Variants in FGGY observed in about 807,000 individuals in gnomAD.
FGGY encodes FGGY carbohydrate kinase domain containing.
In FGGY, 72 loss-of-function variants were observed where a neutral mutation model predicts 71.3. That is an observed-to-expected ratio of 1.01 (90% CI 0.84 to 1.23). The LOEUF is 1.23. Ranked by LOEUF, FGGY falls within the 50% of genes most tolerant of loss-of-function variation. The probability of loss-of-function intolerance (pLI) is 0.00; values close to 1 mark genes in which losing one functional copy is unlikely to be tolerated. For synonymous variants in FGGY, 251 were observed against 250.3 expected, an observed-to-expected ratio of 1.00 and a Z score of -0.02; for missense variants, 668 against 682.3, an observed-to-expected ratio of 0.98 and a Z score of 0.23.
At chr1:59,544,595 A>C (rs1350877413) in intron 7 of FGGY, among the ~76,000 whole-genome samples, 1 of 152,168 alleles carries the variant, frequency 6.6e-6, no homozygotes, top group Non-Finnish European at 1.5e-5. Context: ...CAAAATACTA[A>C]CATGCCATAT....
chr1:59,467,891 T>TTTTTG (rs942165054), intron 6 of FGGY, among the ~76,000 whole-genome samples: 10 of 145,270 alleles, frequency 6.9e-5, no homozygotes, highest in Non-Finnish European at 1.4e-4. Context: ...TTTCTTGTTT[T>TTTTTG]TTTTGTTTTG....
intron 14 of FGGY, among the ~76,000 whole-genome samples, chr1:59,709,521 C>T (rs1364809494): frequency 6.6e-6 from 1 of 151,160 alleles, no homozygotes; most frequent in Non-Finnish European, 1.5e-5. Context: ...GCTTTCCAAA[C>T]TATGAAATGC....
chr1:59,628,350 G>T (rs1429680048), intron 10 of FGGY, among the ~76,000 whole-genome samples: 2 of 152,100 alleles, frequency 1.3e-5, no homozygotes, highest in African/African-American at 4.8e-5. Context: ...AACCTAGATT[G>T]ACATTCCACA....
At chr1:59,372,405 T>A (rs1047259422) in intron 4 of FGGY, among the ~76,000 whole-genome samples, 31 of 152,252 alleles carry the variant, frequency 2.0e-4, no homozygotes, top group South Asian at 6.2e-4. Flanking sequence ...TCTGAAATTG[T>A]GGCAATAATT....
chr1:59,357,752 T>G (rs983031949), intron 4 of FGGY, among the ~76,000 whole-genome samples: 5 of 152,160 alleles, frequency 3.3e-5, no homozygotes, highest in Admixed American at 6.5e-5. Context: ...GAAAAAATAC[T>G]CAATAAACAT....
chr1:59,608,806 C>G (rs189654122), intron 9 of FGGY, among the ~76,000 whole-genome samples: 169 of 152,304 alleles, frequency 1.1e-3, no homozygotes, highest in African/African-American at 3.8e-3. Context: ...CACTGCACTT[C>G]AGCCTGGGCG....
chr1:59,646,527 C>T (rs927157752), intron 11 of FGGY, among the ~76,000 whole-genome samples: 1 of 149,418 alleles, frequency 6.7e-6, no homozygotes. Context: ...TATAAATTTA[C>T]ATATTTATAT....
chr1:59,660,090 C>A, intron 11 of FGGY, 129 bp from the exon 12 acceptor site: 4 of 770,934 alleles, frequency 5.2e-6, no homozygotes, highest in South Asian at 5.1e-5. Flanking sequence ...GTTCCGCTCA[C>A]AAAAAGGGGA....
Position 59,672,727 on chromosome 1 carries a change from C to T in FGGY, c.1418-1312C>T, listed in dbSNP as rs566881298. On this transcript the variant is annotated intron_variant, in intron 13 of 15. Coordinates refer to ENST00000303721, the MANE Select transcript of FGGY (RefSeq NM_018291.5). Reference sequence around the variant, plus strand: ...GATGTAGAGAGAGTGTCTTCTCAGACAAGATAGGAAAAGAAATCTAGGCTT... The same window carrying T: ...GATGTAGAGAGAGTGTCTTCTCAGATAAGATAGGAAAAGAAATCTAGGCTT... 3.9e-4 allele frequency among the ~76,000 whole-genome samples: 60 copies of T among 152,216 alleles called. 2 individuals are homozygous for T. The South Asian group carries it at 0.012, about 30-fold the overall frequency.
intron 5 of FGGY, among the ~76,000 whole-genome samples, chr1:59,450,657 G>A (rs542660404): frequency 6.6e-6 from 1 of 151,936 alleles, no homozygotes; most frequent in African/African-American, 2.4e-5. Context: ...TATTTAAATA[G>A]AATTGTCTTT....
intron 9 of FGGY, among the ~76,000 whole-genome samples, chr1:59,624,548 C>T (rs974666192): frequency 4.6e-5 from 7 of 152,060 alleles, no homozygotes; most frequent in African/African-American, 7.2e-5. Flanking sequence ...ACTGCTGATA[C>T]GGACATACCT....
intron 11 of FGGY, among the ~76,000 whole-genome samples, chr1:59,652,847 A>C (rs1042599713): frequency 2.0e-5 from 3 of 151,944 alleles, no homozygotes; most frequent in African/African-American, 7.3e-5. Context: ...TAGATTTTCC[A>C]GTTTTTCTGT....
At chr1:59,546,648 G>A (rs1571077783) in intron 7 of FGGY, among the ~76,000 whole-genome samples, 1 of 151,820 alleles carries the variant, frequency 6.6e-6, no homozygotes, top group Admixed American at 6.6e-5. Context: ...CCAGGTTCAC[G>A]CCATTCTCCT....
intron 14 of FGGY, among the ~76,000 whole-genome samples, chr1:59,718,105 G>A (rs1042627219): frequency 2.0e-5 from 3 of 152,102 alleles, no homozygotes; most frequent in Non-Finnish European, 4.4e-5. Context: ...TAGGTGTTAC[G>A]AGCCCAGTTT....
At chr1:59,480,348 A>G (rs1309586452) in intron 6 of FGGY, among the ~76,000 whole-genome samples, 1 of 152,132 alleles carries the variant, frequency 6.6e-6, no homozygotes, top group African/African-American at 2.4e-5. Context: ...TCTCACCGCA[A>G]GATCTGCTCT....
chr1:59,304,768 T>C (rs183187163), intron 1 of FGGY, among the ~76,000 whole-genome samples: 3 of 152,252 alleles, frequency 2.0e-5, no homozygotes, highest in African/African-American at 7.2e-5. Context: ...GTTTTCAATA[T>C]ACAAATCTTT....
intron 8 of FGGY, among the ~76,000 whole-genome samples, chr1:59,583,525 T>G (rs1243401958): frequency 2.1e-5 from 3 of 143,202 alleles, no homozygotes; most frequent in African/African-American, 8.2e-5. Flanking sequence ...GTTGAAGTAG[T>G]GAGCATGAAA....
chr1:59,499,746 A>T (rs371430163), intron 6 of FGGY, among the ~76,000 whole-genome samples: 1 of 152,204 alleles, frequency 6.6e-6, no homozygotes, highest in South Asian at 2.1e-4. Context: ...GTGTAACTGA[A>T]CAACAGTAAC....
At chr1:59,414,587 A>G (rs1434385367) in intron 5 of FGGY, among the ~76,000 whole-genome samples, 2 of 152,180 alleles carry the variant, frequency 1.3e-5, no homozygotes, top group Non-Finnish European at 2.9e-5. Context: ...AACAGGTGGC[A>G]CATTTAAATG....
Sources: allele counts gnomAD v4.1 joint callset (sites outside exome capture counted in the v4.1 genomes callset), GRCh38; gene constraint gnomAD v4.1.1; transcripts MANE v1.5; gene names NCBI Gene and HGNC (gene_info 2026-07-23, HGNC 2026-07-21).